The following NRXN1 variants were observed in gnomAD, a reference collection of about 807,000 sequenced individuals.
The protein encoded by NRXN1 is neurexin-1.
A neutral mutation model predicts 150.9 loss-of-function variants in NRXN1; 39 were observed. The ratio of observed to expected loss-of-function variants is 0.26; its 90% CI spans 0.20 to 0.34. The LOEUF is 0.34. Among genes scored for constraint, NRXN1 ranks in the 10% least tolerant of loss-of-function variants. The pLI is 1.00. For synonymous variants in NRXN1, 924 were observed against 757.0 expected (o/e 1.22, Z -3.62); for missense variants, 1,815 against 1,949.9 (o/e 0.93, Z 1.30).
chr2:50,738,835 C>T (rs1699080204), intron 5 of NRXN1, among the ~76,000 whole-genome samples: 1 of 152,150 alleles, frequency 6.6e-6, no homozygotes, highest in African/African-American at 2.4e-5. Context: ...GAACCTTGGG[C>T]TCCAGAGGTT....
chr2:50,325,373 G>A (rs2076319957), intron 17 of NRXN1, among the ~76,000 whole-genome samples: 1 of 152,154 alleles, frequency 6.6e-6, no homozygotes, highest in Non-Finnish European at 1.5e-5. Context: ...AGTTTGTCAT[G>A]CCCCCCACCA....
chr2:50,408,104 G>C (rs1378683257), intron 17 of NRXN1, among the ~76,000 whole-genome samples: 1 of 152,040 alleles, frequency 6.6e-6, no homozygotes, highest in Non-Finnish European at 1.5e-5. Context: ...GGAAATCTAA[G>C]AATAAATAAG....
intron 17 of NRXN1, among the ~76,000 whole-genome samples, chr2:50,389,682 T>A (rs1288192652): frequency 6.6e-6 from 1 of 152,150 alleles, no homozygotes; most frequent in Non-Finnish European, 1.5e-5. Context: ...AATTTTAAGT[T>A]AATAAATTGC....
chr2:50,167,596 T>C (rs896611659), intron 18 of NRXN1, among the ~76,000 whole-genome samples: 3 of 151,836 alleles, frequency 2.0e-5, no homozygotes, highest in African/African-American at 7.3e-5. Flanking sequence ...CCCCAATTCA[T>C]GAGGAAAAAG....
At chr2:50,522,771 A>T (rs1206996582) in intron 12 of NRXN1, among the ~76,000 whole-genome samples, 3 of 112,694 alleles carry the variant, frequency 2.7e-5, no homozygotes, top group Admixed American at 1.4e-4. Context: ...TTGCTCTCTC[A>T]CCCAGGCTGG....
At chr2:50,597,544 G>T (rs898981433) in intron 8 of NRXN1, among the ~76,000 whole-genome samples, 1 of 152,084 alleles carries the variant, frequency 6.6e-6, no homozygotes, top group Admixed American at 6.5e-5. Flanking sequence ...GATGGTTCTG[G>T]TTTTCTCCCA....
chr2:50,677,833 C>T (rs931917215), intron 5 of NRXN1, among the ~76,000 whole-genome samples: 3 of 152,102 alleles, frequency 2.0e-5, no homozygotes, highest in East Asian at 1.9e-4. Flanking sequence ...CCTACTTCTT[C>T]GTGCATGTGG....
chr2:50,170,756 CGTGTGTGTGT>C (rs58130457), intron 18 of NRXN1, among the ~76,000 whole-genome samples: 5 of 143,108 alleles, frequency 3.5e-5, no homozygotes, highest in Admixed American at 7.0e-5. Flanking sequence ...CTCTGTCTGT[CGTGTGTGTGT>C]GTGTGTGTGT....
chr2:50,183,344 G>A (rs548587013), intron 18 of NRXN1, among the ~76,000 whole-genome samples: 46 of 151,974 alleles, frequency 3.0e-4, no homozygotes, highest in African/African-American at 1.0e-3. Context: ...ATTTGTTATC[G>A]ACAAGTGTAA....
intron 15 of NRXN1, among the ~76,000 whole-genome samples, chr2:50,475,781 A>G (rs780208562): frequency 3.2e-4 from 49 of 152,056 alleles, no homozygotes; most frequent in Non-Finnish European, 2.4e-4. Flanking sequence ...CATGAAGAGA[A>G]CAAAGAAACT....
At chr2:50,061,167 A>G (rs1694474376) in intron 19 of NRXN1, among the ~76,000 whole-genome samples, 1 of 152,172 alleles carries the variant, frequency 6.6e-6, no homozygotes, top group Non-Finnish European at 1.5e-5. Context: ...ATTCATGGTG[A>G]TATTTACTTG....
intron 2 of NRXN1, among the ~76,000 whole-genome samples, chr2:51,020,113 C>T (rs542970174): frequency 4.6e-5 from 7 of 151,202 alleles, no homozygotes; most frequent in Non-Finnish European, 8.9e-5. Flanking sequence ...ATACATTTTA[C>T]GTATATAGTT....
At chr2:50,222,223 G>A (rs1204575289) in intron 18 of NRXN1, among the ~76,000 whole-genome samples, 1 of 151,952 alleles carries the variant, frequency 6.6e-6, no homozygotes, top group Non-Finnish European at 1.5e-5. Flanking sequence ...CAACCTCCTT[G>A]GCCTACTGCT....
intron 15 of NRXN1, among the ~76,000 whole-genome samples, chr2:50,482,745 A>G (rs753248263): frequency 4.6e-5 from 7 of 152,286 alleles, no homozygotes; most frequent in Non-Finnish European, 1.0e-4. Flanking sequence ...CATATGAGAT[A>G]GGAGGTCCAC....
intron 2 of NRXN1, among the ~76,000 whole-genome samples, chr2:51,008,232 G>A (rs977839008): frequency 2.6e-5 from 4 of 151,834 alleles, no homozygotes; most frequent in African/African-American, 2.4e-5. Flanking sequence ...ACAAAGAAGA[G>A]AGTCAGAGAG....
chr2:50,964,332 A>T (rs1257843440), intron 2 of NRXN1, among the ~76,000 whole-genome samples: 1 of 151,512 alleles, frequency 6.6e-6, no homozygotes, highest in African/African-American at 2.4e-5. Flanking sequence ...GTGACCACTA[A>T]AGCAATAATT....
At chr2:50,708,754 C>T (rs1231539498) in intron 5 of NRXN1, among the ~76,000 whole-genome samples, 1 of 152,054 alleles carries the variant, frequency 6.6e-6, no homozygotes, top group Non-Finnish European at 1.5e-5. Context: ...CTCTCCATTC[C>T]TCATTCTAGC....
chr2:50,019,028 C>A (rs1190053385), intron 21 of NRXN1, among the ~76,000 whole-genome samples: 1 of 152,064 alleles, frequency 6.6e-6, no homozygotes, highest in African/African-American at 2.4e-5. Context: ...GGAATAGGCA[C>A]AAGGTTAGGT....
At chr2:50,981,457 C>CAAAAAAAAAAAAACAAAAAAAAA (rs1696792012) in intron 2 of NRXN1, among the ~76,000 whole-genome samples, 1 of 23,272 alleles carries the variant, frequency 4.3e-5, no homozygotes, top group Non-Finnish European at 7.4e-5. Flanking sequence ...AACTCTATCT[C>CAAAAAAAAAAAAACAAAAAAAAA]AAAAAAAAAA....
Sources: gnomAD v4.1 joint callset for allele counts (sites outside exome capture counted in the v4.1 genomes callset) on GRCh38, gnomAD v4.1.1 for gene constraint, MANE v1.5 for transcripts, NCBI Gene and HGNC (gene_info 2026-07-23, HGNC 2026-07-21) for gene names.